Variants in TASP1 observed in about 807,000 individuals in gnomAD.
The protein encoded by TASP1 is taspase 1, also known as threonine aspartase 1.
TASP1 carries 16 observed loss-of-function variants against 56.6 expected under a neutral mutation model. The observed-to-expected ratio is 0.28, with a 90% CI of 0.19 to 0.43. TASP1 has a LOEUF of 0.43. TASP1 is among the 20% of genes least tolerant of loss of function. The pLI is 1.00. For synonymous variants in TASP1, 179 were observed against 184.2 expected (o/e 0.97, Z 0.23); for missense variants, 393 against 511.6 (o/e 0.77, Z 2.24).
the TASP1 span, among the ~76,000 whole-genome samples, chr20:13,302,976 G>A: frequency 2.6e-5 from 4 of 152,284 alleles, no homozygotes; most frequent in African/African-American, 2.4e-5. Context: ...CTGTCTTAAC[G>A]CCGGGGATTA....
chr20:13,608,937 A>T (rs2048253989), intron 4 of TASP1, among the ~76,000 whole-genome samples: 1 of 152,260 alleles, frequency 6.6e-6, no homozygotes, highest in Non-Finnish European at 1.5e-5. Flanking sequence ...GGTAAGCAAT[A>T]GGAGTACTGG....
At chr20:13,227,450 G>A in the TASP1 span, among the ~76,000 whole-genome samples, 1,785 of 151,218 alleles carry the variant, frequency 0.012, 32 homozygotes, top group African/African-American at 0.04. Context: ...TGATCTGCCC[G>A]CCTCGACCTC....
chr20:13,278,580 G>A, the TASP1 span, among the ~76,000 whole-genome samples: 3 of 152,220 alleles, frequency 2.0e-5, no homozygotes, highest in Non-Finnish European at 1.5e-5. Flanking sequence ...CCCCATGTCT[G>A]CCACTTACTA....
At chr20:13,386,603 C>G (rs1360580561), downstream of TASP1, among the ~76,000 whole-genome samples, 1 of 152,042 alleles carries the variant, frequency 6.6e-6, no homozygotes, top group Non-Finnish European at 1.5e-5. Context: ...TCCTTCCATC[C>G]AGTGTCAAAA....
At chr20:13,606,663 T>C (rs975867956) in intron 4 of TASP1, among the ~76,000 whole-genome samples, 1 of 151,902 alleles carries the variant, frequency 6.6e-6, no homozygotes, top group Non-Finnish European at 1.5e-5. Flanking sequence ...AAAAATTAGC[T>C]GGGCGTGGTA....
At chr20:13,327,660 A>C in the TASP1 span, among the ~76,000 whole-genome samples, 3 of 152,204 alleles carry the variant, frequency 2.0e-5, no homozygotes, top group African/African-American at 7.2e-5. Context: ...CCGCACACCT[A>C]CAACTATCTG....
At position 13,559,012 on chromosome 20, in the gene TASP1, T is replaced by A; in HGVS notation, c.671A>T (p.Glu224Val). 1 of 1,578,994 alleles carries A rather than the reference T, an allele frequency of 6.3e-7. No homozygotes were observed. The highest frequency in any genetic ancestry group is 8.6e-7 in the Non-Finnish European group (1 of 1,161,170). The stretch of plus-strand genomic sequence containing the variant: ...ATATTTCAAACACCACCTGACCTTC[T>A]CACTTGATTGTCTTCTTTTCTTTAG... ...MQLKKRRQSS[E>V]KENDSGTLDT... Residue 224 changes from glutamate to valine, a missense_variant, in exon 8 of 14, where the codon GAG becomes GTG. Physicochemically the swap from Glu to Val is moderately radical, Grantham distance 121. Coordinates refer to ENST00000337743, the MANE Select transcript of TASP1 (RefSeq NM_017714.3).
intron 11 of TASP1, among the ~76,000 whole-genome samples, chr20:13,458,372 G>C (rs1328346014): frequency 6.6e-6 from 1 of 152,000 alleles, no homozygotes; most frequent in Non-Finnish European, 1.5e-5. Context: ...TTTTAGATGG[G>C]GTTTCGCTCT....
chr20:13,550,351 G>T (rs1233880847), intron 8 of TASP1, among the ~76,000 whole-genome samples: 1 of 151,968 alleles, frequency 6.6e-6, no homozygotes, highest in Non-Finnish European at 1.5e-5. Flanking sequence ...TGGGATGGGG[G>T]TGATCCAATA....
At chr20:13,475,240 T>TTCCTTTGCAA in intron 11 of TASP1, among the ~76,000 whole-genome samples, 1 of 152,210 alleles carries the variant, frequency 6.6e-6, no homozygotes, top group Non-Finnish European at 1.5e-5. Context: ...AATGGTGGCA[T>TTCCTTTGCAA]ACTGACTGCA....
At chr20:13,275,567 C>A in the TASP1 span, among the ~76,000 whole-genome samples, 3 of 152,136 alleles carry the variant, frequency 2.0e-5, no homozygotes, top group African/African-American at 7.2e-5. Context: ...TAGCCCCATG[C>A]GGGTTACTGG....
intron 9 of TASP1, among the ~76,000 whole-genome samples, chr20:13,532,329 A>T (rs2045253206): frequency 6.6e-6 from 1 of 152,224 alleles, no homozygotes; most frequent in South Asian, 2.1e-4. Flanking sequence ...AGCACACTTT[A>T]AAAAATAATT....
intron 6 of TASP1, among the ~76,000 whole-genome samples, chr20:13,569,860 T>C (rs1306590861): frequency 6.6e-6 from 1 of 152,126 alleles, no homozygotes; most frequent in East Asian, 1.9e-4. Context: ...GTAAAAATGG[T>C]TGACTTCTCA....
chr20:13,157,065 G>T, the TASP1 span, among the ~76,000 whole-genome samples: 2 of 152,090 alleles, frequency 1.3e-5, no homozygotes, highest in African/African-American at 4.8e-5. Flanking sequence ...AAGGCTATTA[G>T]ACCTCAGCGA....
At chr20:13,173,918 T>C in the TASP1 span, among the ~76,000 whole-genome samples, 5 of 152,202 alleles carry the variant, frequency 3.3e-5, no homozygotes, top group Non-Finnish European at 5.9e-5. Context: ...GCACCTTCCC[T>C]GATGCATGTT....
chr20:13,528,662 A>T, intron 9 of TASP1, 151 bp from the exon 10 acceptor site: 1 of 496,426 alleles, frequency 2.0e-6, no homozygotes, highest in Non-Finnish European at 3.6e-6. Context: ...AGACATACGC[A>T]CACGATGCTT....
chr20:13,509,050 C>T (rs927880905), intron 10 of TASP1, among the ~76,000 whole-genome samples: 2 of 151,738 alleles, frequency 1.3e-5, no homozygotes, highest in African/African-American at 4.8e-5. Context: ...ATGTTCCCTG[C>T]AGCATTATTC....
chr20:13,143,960 T>C, the TASP1 span, among the ~76,000 whole-genome samples: 4 of 152,348 alleles, frequency 2.6e-5, no homozygotes, highest in African/African-American at 9.6e-5. Context: ...TCCTGATCCA[T>C]GCACTATACA....
the TASP1 span, among the ~76,000 whole-genome samples, chr20:13,279,244 A>C: frequency 2.6e-5 from 4 of 152,204 alleles, no homozygotes; most frequent in Non-Finnish European, 5.9e-5. Context: ...TCAGGAACAA[A>C]TATAGTACAT....
Sources: gnomAD v4.1 joint callset for allele counts (sites outside exome capture counted in the v4.1 genomes callset) on GRCh38, gnomAD v4.1.1 for gene constraint, MANE v1.5 for transcripts, NCBI Gene and HGNC (gene_info 2026-07-23, HGNC 2026-07-21) for gene names.